The following KCNN3 variants were observed in gnomAD, a reference collection of about 807,000 sequenced individuals.
The protein encoded by KCNN3 is small conductance calcium-activated potassium channel protein 3.
KCNN3 carries 16 observed loss-of-function variants against 62.9 expected under a neutral mutation model. The ratio of observed to expected loss-of-function variants is 0.25; its 90% CI spans 0.17 to 0.39. KCNN3 has a LOEUF of 0.39. KCNN3 is among the 10% of genes least tolerant of loss of function. The pLI, the probability that KCNN3 is intolerant of heterozygous loss-of-function variation, is 1.00. For missense variants in KCNN3, 599 were observed against 949.4 expected (o/e 0.63, Z 4.85); for synonymous variants, 370 against 389.2 (o/e 0.95, Z 0.58).
intron 2 of KCNN3, among the ~76,000 whole-genome samples, chr1:154,776,721 T>A (rs2101845091): frequency 6.6e-6 from 1 of 152,340 alleles, no homozygotes; most frequent in East Asian, 1.9e-4. Context: ...CAATTATTGA[T>A]TTGCATGTGT....
chr1:154,748,473 C>A (rs927279287), intron 3 of KCNN3, among the ~76,000 whole-genome samples: 1 of 152,174 alleles, frequency 6.6e-6, no homozygotes, highest in Non-Finnish European at 1.5e-5. Flanking sequence ...ATCTACTTCT[C>A]ATTTCATTTT....
chr1:154,828,160 C>G (rs375316986), intron 1 of KCNN3, among the ~76,000 whole-genome samples: 2 of 152,164 alleles, frequency 1.3e-5, no homozygotes, highest in East Asian at 1.9e-4. Flanking sequence ...GCGCAGGAGT[C>G]TCAGCCTCCT....
intron 3 of KCNN3, among the ~76,000 whole-genome samples, chr1:154,761,219 C>A (rs978860816): frequency 1.3e-5 from 2 of 152,178 alleles, no homozygotes; most frequent in Non-Finnish European, 2.9e-5. Context: ...CACATGTACA[C>A]CTTGGGAAGC....
At chr1:154,773,903 G>A (rs931604357) in intron 2 of KCNN3, among the ~76,000 whole-genome samples, 3 of 152,226 alleles carry the variant, frequency 2.0e-5, no homozygotes, top group Non-Finnish European at 1.5e-5. Flanking sequence ...ACTCAGAGAA[G>A]GGGGCAGCAA....
At chr1:154,709,134 C>G (rs1353033550) in intron 7 of KCNN3, among the ~76,000 whole-genome samples, 1 of 152,164 alleles carries the variant, frequency 6.6e-6, no homozygotes, top group Non-Finnish European at 1.5e-5. Flanking sequence ...GGGTGCCGGC[C>G]GATTACCAGT....
rs1321686437 is a variant in KCNN3, at chr1:154,705,561, G to A, written c.*2415C>T. 1 of 152,094 alleles carries A rather than the reference G, an allele frequency of 6.6e-6. No homozygotes were observed. The highest frequency in any genetic ancestry group is 1.5e-5 in the Non-Finnish European group (1 of 68,014). 9.4% of individuals were successfully genotyped at this position (152,094 alleles called of 1,614,324 possible). ...ACTAGTGTTGCTAGTTTGGTCTTTA[G>A]GGTTTACCTAAGTGAGAGCATCAAT... On this transcript the variant is annotated 3_prime_UTR_variant, in exon 8 of 8. Coordinates refer to ENST00000271915, the MANE Select transcript of KCNN3 (RefSeq NM_002249.6).
intron 2 of KCNN3, among the ~76,000 whole-genome samples, chr1:154,815,111 A>C (rs1650604823): frequency 6.6e-6 from 1 of 152,066 alleles, no homozygotes; most frequent in African/African-American, 2.4e-5. Context: ...TAAGGAGCTG[A>C]CATGCTCAAA....
intron 6 of KCNN3, among the ~76,000 whole-genome samples, chr1:154,714,196 G>A (rs1700152613): frequency 7.0e-6 from 1 of 142,280 alleles, no homozygotes; most frequent in African/African-American, 2.7e-5. Context: ...TGTGTGTGGT[G>A]TGTGTGTCGT....
rs533712781 is a variant in KCNN3, at chr1:154,744,036, C to T, written c.1449-10892G>A. Among the ~76,000 whole-genome samples the T allele has an allele frequency of 5.3e-5, 8 of 152,274 alleles. No homozygotes were observed. The South Asian group carries it at 1.5e-3, about 28-fold the overall frequency. Reference sequence around the variant, plus strand: ...TCTCCAAGTGCACTACTGCCCCACACCCAGCAGGCCAGCTTCTCCCGAGTC... The same window carrying T: ...TCTCCAAGTGCACTACTGCCCCACATCCAGCAGGCCAGCTTCTCCCGAGTC... On this transcript the variant is annotated intron_variant, in intron 3 of 7. Transcript: ENST00000271915.
At position 154,703,865 on chromosome 1, in the gene KCNN3, C is replaced by G. The variant is rs1699914770; in HGVS notation, c.*4111G>C. On this transcript the variant is annotated 3_prime_UTR_variant, in exon 8 of 8. Transcript: ENST00000271915. ...TGACAAAGGTGATTTCATTTGTTCT[C>G]TATTGAAAACATTGTACTTAAGAAT... 6.6e-6 allele frequency: 1 copy of G among 152,168 alleles called. No homozygotes were observed. The highest frequency in any genetic ancestry group is 2.1e-4 in the South Asian group (1 of 4,826). 9.4% of individuals were successfully genotyped at this position (152,168 alleles called of 1,614,324 possible). A position where few individuals can be genotyped will look rare whatever the true frequency, so the allele number is the denominator to read the frequency against.
chr1:154,713,396 C>G, intron 7 of KCNN3, 68 bp downstream of exon 7: 1 of 1,344,176 alleles, frequency 7.4e-7, no homozygotes, highest in Non-Finnish European at 1.1e-6. Context: ...AGCCAGGACT[C>G]ACAGGTGAGC....
At chr1:154,802,088 T>C (rs1261558266) in intron 2 of KCNN3, among the ~76,000 whole-genome samples, 1 of 152,188 alleles carries the variant, frequency 6.6e-6, no homozygotes, top group Non-Finnish European at 1.5e-5. Context: ...CATACTGAAT[T>C]CCTACCCTGT....
intron 1 of KCNN3, among the ~76,000 whole-genome samples, chr1:154,836,629 T>G (rs996090001): frequency 6.6e-6 from 1 of 152,218 alleles, no homozygotes; most frequent in Admixed American, 6.5e-5. Flanking sequence ...TTTTCTTCCA[T>G]CCCTCTTTCT....
At chr1:154,730,474 T>C (rs777256073) in intron 4 of KCNN3, among the ~76,000 whole-genome samples, 1 of 152,170 alleles carries the variant, frequency 6.6e-6, no homozygotes, top group African/African-American at 2.4e-5. Flanking sequence ...TTGGGAGCTA[T>C]ACATAGTGTT....
intron 3 of KCNN3, among the ~76,000 whole-genome samples, chr1:154,742,686 T>C (rs1327796953): frequency 6.6e-6 from 1 of 152,232 alleles, no homozygotes; most frequent in Non-Finnish European, 1.5e-5. Context: ...CTCCACGGAC[T>C]CAGGGCCTGC....
chr1:154,802,496 C>G (rs991230818), intron 2 of KCNN3, among the ~76,000 whole-genome samples: 3 of 152,140 alleles, frequency 2.0e-5, no homozygotes, highest in Non-Finnish European at 4.4e-5. Context: ...AGTATGGAGC[C>G]CAGCCCTGCT....
chr1:154,870,188 T>G lies in KCNN3; in HGVS notation c.-224A>C, dbSNP rs1288649148. 5.7e-6 allele frequency: 4 copies of G among 703,348 alleles called. No homozygotes were observed. The highest frequency in any genetic ancestry group is 1.0e-5 in the Non-Finnish European group (4 of 384,804). 43.6% of individuals were successfully genotyped at this position (703,348 alleles called of 1,614,324 possible). On this transcript the variant is annotated 5_prime_UTR_variant, in exon 1 of 8. Transcript: ENST00000271915. ...AGGGAGGGAGAGCAGGAGGGGAGCT[T>G]GGAGAAAGAAGAGGGGGTGAAAGAA... is the stretch of plus-strand genomic sequence containing the variant.
Position 154,741,401 on chromosome 1 carries a change from T to C in KCNN3, c.1449-8257A>G, listed in dbSNP as rs139570857. ...CATAATAGGGGCTCACTAAAATACT[T>C]GTGGACTGACTAAGGCCTGCATGCT... is the stretch of plus-strand genomic sequence containing the variant. On this transcript the variant is annotated intron_variant, in intron 3 of 7. Transcript: ENST00000271915. Among the ~76,000 whole-genome samples, 451 of 152,344 alleles carry C rather than the reference T, an allele frequency of 3.0e-3. 3 individuals are homozygous for C. The highest frequency in any genetic ancestry group is 9.8e-3 in the African/African-American group (406 of 41,572).
chr1:154,819,012 T>C (rs1320543911), intron 2 of KCNN3, among the ~76,000 whole-genome samples: 1 of 152,204 alleles, frequency 6.6e-6, no homozygotes, highest in Non-Finnish European at 1.5e-5. Context: ...TGAGGAAAGC[T>C]GTGAGCAGAT....
Sources: allele counts gnomAD v4.1 joint callset (sites outside exome capture counted in the v4.1 genomes callset), GRCh38; gene constraint gnomAD v4.1.1; transcripts MANE v1.5; gene names NCBI Gene and HGNC (gene_info 2026-07-23, HGNC 2026-07-21).